SMIM36: variants seen among roughly 807,000 people sequenced by gnomAD.
The protein encoded by SMIM36 is small integral membrane protein 36.
chr17:55,522,761 C>T, the SMIM36 span, among the ~76,000 whole-genome samples: 1 of 152,160 alleles, frequency 6.6e-6, no homozygotes, highest in African/African-American at 2.4e-5. Flanking sequence ...TTCTATGGCA[C>T]TTGTCCCCAT....
intron 1 of SMIM36, among the ~76,000 whole-genome samples, chr17:55,487,351 TA>T (rs1480489077): frequency 6.6e-6 from 1 of 152,072 alleles, no homozygotes; most frequent in Non-Finnish European, 1.5e-5. Flanking sequence ...TAGAGTATCA[TA>T]AAAAATAAAT....
At chr17:55,479,875 A>G (rs1909490661) in intron 1 of SMIM36, among the ~76,000 whole-genome samples, 1 of 152,222 alleles carries the variant, frequency 6.6e-6, no homozygotes, top group African/African-American at 2.4e-5. Context: ...GTTGCAGAAG[A>G]CAGATGTGCC....
At chr17:55,504,017 A>G (rs1221780757) in intron 1 of SMIM36, among the ~76,000 whole-genome samples, 6 of 83,504 alleles carry the variant, frequency 7.2e-5, no homozygotes, top group African/African-American at 3.0e-4. Context: ...TTCAACAAGA[A>G]GAGCTAACTA....
chr17:55,481,987 G>A (rs909978718), intron 1 of SMIM36, among the ~76,000 whole-genome samples: 3 of 152,106 alleles, frequency 2.0e-5, no homozygotes, highest in Admixed American at 2.0e-4. Flanking sequence ...ATGTGTCACC[G>A]TGTCCAGCCA....
intron 1 of SMIM36, among the ~76,000 whole-genome samples, chr17:55,500,647 C>A (rs1412170932): frequency 2.0e-5 from 3 of 149,638 alleles, no homozygotes; most frequent in South Asian, 2.1e-4. Context: ...ATGTTCAATG[C>A]ATCTAATATT....
intron 4 of SMIM36, among the ~76,000 whole-genome samples, chr17:55,462,606 TAAATAAATAAATAA>T (rs900670290): frequency 6.6e-6 from 1 of 152,066 alleles, no homozygotes; most frequent in Non-Finnish European, 1.5e-5. Flanking sequence ...ATTATGTCTC[TAAATAAATAAATAA>T]AAATAAATAA....
In SMIM36 at chr17:55,492,246, T is replaced by C. The variant is rs112297440; in HGVS notation, c.*175-12666A>G. 7.0e-4 allele frequency among the ~76,000 whole-genome samples: 83 copies of C among 119,212 alleles called. No individual in the cohort carries two copies. The Middle Eastern group carries it at 0.017, about 25-fold the overall frequency. 78.2% of individuals were successfully genotyped at this position (119,212 alleles called of 152,430 possible). A position where few individuals can be genotyped will look rare whatever the true frequency, so the allele number is the denominator to read the frequency against. On this transcript the variant is annotated intron_variant, in intron 1 of 4. Transcript: ENST00000636752. ...TTTCTTTTCTTTTCTTTCTTTCTTT[T>C]TTTTTTTTTTTTTTTGAGACAGAGT...
intron 3 of SMIM36, among the ~76,000 whole-genome samples, chr17:55,469,981 TAA>T (rs55821488): frequency 0.044 from 6,589 of 149,302 alleles, 230 homozygotes; most frequent in East Asian, 0.14. Flanking sequence ...AAACTCCATC[TAA>T]AAAAAAAACA....
chr17:55,516,186 A>T (rs576138971), upstream of SMIM36, among the ~76,000 whole-genome samples: 7 of 152,376 alleles, frequency 4.6e-5, no homozygotes, highest in African/African-American at 1.7e-4. Flanking sequence ...AAACCTACAA[A>T]ACAATGAAAA....
In SMIM36 at chr17:55,451,050, C is replaced by T. The variant is rs533945929; in HGVS notation, c.*532-752G>A. On this transcript the variant is annotated intron_variant, in intron 4 of 4. Transcript: ENST00000636752. ...TACAGGCATGCGCCACCACGCCTGG[C>T]TAATTTTTGTATTTTTAGTAGATAT... is the stretch of plus-strand genomic sequence containing the variant. 3.3e-5 allele frequency among the ~76,000 whole-genome samples: 5 copies of T among 152,268 alleles called. No individual in the cohort carries two copies. The East Asian group carries it at 9.7e-4, about 29-fold the overall frequency.
intron 1 of SMIM36, among the ~76,000 whole-genome samples, chr17:55,494,135 G>A (rs998950121): frequency 6.6e-6 from 1 of 152,116 alleles, no homozygotes; most frequent in African/African-American, 2.4e-5. Flanking sequence ...TTTCCCATGA[G>A]AAACAAAGTC....
At chr17:55,453,222 C>A (rs534004591) in intron 4 of SMIM36, among the ~76,000 whole-genome samples, 2 of 152,156 alleles carry the variant, frequency 1.3e-5, no homozygotes, top group African/African-American at 4.8e-5. Context: ...AAGACTGAGG[C>A]GGGAAGATGG....
intron 1 of SMIM36, among the ~76,000 whole-genome samples, chr17:55,489,023 G>A (rs569958333): frequency 6.6e-6 from 1 of 152,224 alleles, no homozygotes; most frequent in African/African-American, 2.4e-5. Context: ...CTCTGCGGTA[G>A]ATACCATGGT....
chr17:55,463,621 G>A (rs1395385880), intron 4 of SMIM36, among the ~76,000 whole-genome samples: 1 of 152,108 alleles, frequency 6.6e-6, no homozygotes, highest in Non-Finnish European at 1.5e-5. Flanking sequence ...ATACTGTACT[G>A]AGAATAAGAG....
At chr17:55,490,261 G>A (rs1412650895) in intron 1 of SMIM36, among the ~76,000 whole-genome samples, 3 of 152,122 alleles carry the variant, frequency 2.0e-5, no homozygotes, top group African/African-American at 7.2e-5. Flanking sequence ...AAGGGCACTT[G>A]GGGTCCTGGG....
chr17:55,458,496 A>T (rs906590392), intron 4 of SMIM36: 7 of 152,126 alleles, frequency 4.6e-5, no homozygotes, highest in African/African-American at 1.7e-4. Flanking sequence ...TTCCTGCCCA[A>T]CTGTTGCATT....
chr17:55,471,407 C>T (rs12051893), intron 3 of SMIM36, among the ~76,000 whole-genome samples: 77,104 of 151,828 alleles, frequency 0.51, 19,973 homozygotes, highest in African/African-American at 0.58. Flanking sequence ...CTCCAAGGCA[C>T]AAATTTCTTC....
upstream of SMIM36, among the ~76,000 whole-genome samples, chr17:55,513,619 C>T (rs566035118): frequency 5.9e-5 from 9 of 152,270 alleles, no homozygotes; most frequent in African/African-American, 2.2e-4. Flanking sequence ...ACTCTAGATT[C>T]GTGACTTCTA....
At chr17:55,514,752 T>A (rs954022348), upstream of SMIM36, among the ~76,000 whole-genome samples, 1 of 152,220 alleles carries the variant, frequency 6.6e-6, no homozygotes, top group Non-Finnish European at 1.5e-5. Context: ...GATAAATATG[T>A]GTCCCATATA....
Sources: allele counts gnomAD v4.1 joint callset (sites outside exome capture counted in the v4.1 genomes callset), GRCh38; gene constraint gnomAD v4.1.1; transcripts MANE v1.5; gene names NCBI Gene and HGNC (gene_info 2026-07-23, HGNC 2026-07-21).